OR8B2: variants seen among roughly 807,000 people sequenced by gnomAD.
OR8B2 encodes olfactory receptor family 8 subfamily B member 2.
For missense variants in OR8B2, 304 were observed against 379.6 expected, an observed-to-expected ratio of 0.80 and a Z score of 1.65; for synonymous variants, 98 against 138.2, an observed-to-expected ratio of 0.71 and a Z score of 2.04.
the OR8B2 span, among the ~76,000 whole-genome samples, chr11:124,391,330 G>GT: frequency 4.6e-5 from 7 of 151,640 alleles, no homozygotes; most frequent in South Asian, 2.1e-4. Flanking sequence ...CCAGGAGCTG[G>GT]TTTTTTGAAA....
upstream of OR8B2, among the ~76,000 whole-genome samples, chr11:124,386,628 G>T (rs1207729364): frequency 6.6e-6 from 1 of 151,498 alleles, no homozygotes. Flanking sequence ...TGGTGTACAC[G>T]TGCCACATTT....
upstream of OR8B2, among the ~76,000 whole-genome samples, chr11:124,386,581 A>G (rs905719133): frequency 6.6e-6 from 1 of 151,028 alleles, no homozygotes; most frequent in African/African-American, 2.5e-5. Flanking sequence ...TACAAAGGAC[A>G]TGAACTCATC....
the OR8B2 span, chr11:124,395,563 C>T: frequency 6.6e-6 from 1 of 152,102 alleles, no homozygotes; most frequent in Non-Finnish European, 1.5e-5. Context: ...TTTCTGCTAA[C>T]TTAATGTGCA....
At chr11:124,388,684 G>A (rs1860737520), upstream of OR8B2, among the ~76,000 whole-genome samples, 1 of 151,892 alleles carries the variant, frequency 6.6e-6, no homozygotes, top group Non-Finnish European at 1.5e-5. Context: ...CTTCTTTTTT[G>A]CATTTAGGTT....
chr11:124,393,359 C>G, the OR8B2 span, among the ~76,000 whole-genome samples: 24 of 138,352 alleles, frequency 1.7e-4, no homozygotes, highest in Non-Finnish European at 3.2e-4. Flanking sequence ...TTTCACAACC[C>G]TCATGTGACA....
chr11:124,396,450 C>T, the OR8B2 span: 1 of 1,612,296 alleles, frequency 6.2e-7, no homozygotes, highest in Non-Finnish European at 8.5e-7. Flanking sequence ...CAGAGCTTTC[C>T]TCAGTGCAAC....
chr11:124,388,797 G>T (rs1222601633), upstream of OR8B2, among the ~76,000 whole-genome samples: 1 of 148,170 alleles, frequency 6.7e-6, no homozygotes, highest in East Asian at 2.0e-4. Context: ...ACCTCCTTTA[G>T]TTATTGTTTG....
chr11:124,390,980 T>C, the OR8B2 span, among the ~76,000 whole-genome samples: 5 of 152,146 alleles, frequency 3.3e-5, 1 homozygote, highest in African/African-American at 1.2e-4. Context: ...CCAGCAACAA[T>C]TGCTTCAAAG....
chr11:124,387,741 G>T (rs1860724380), upstream of OR8B2, among the ~76,000 whole-genome samples: 1 of 145,132 alleles, frequency 6.9e-6, no homozygotes. Flanking sequence ...TGGTGATGCG[G>T]GCTCTTTTTT....
chr11:124,393,260 A>G, the OR8B2 span, among the ~76,000 whole-genome samples: 1 of 143,814 alleles, frequency 7.0e-6, no homozygotes, highest in Non-Finnish European at 1.5e-5. Flanking sequence ...CAAAATTGAC[A>G]AATGGGATCT....
the OR8B2 span, among the ~76,000 whole-genome samples, chr11:124,389,903 AG>A: frequency 6.6e-6 from 1 of 152,184 alleles, no homozygotes; most frequent in African/African-American, 2.4e-5. Context: ...AGATATTGGA[AG>A]GGGGAAAGAG....
chr11:124,396,726 A>T, the OR8B2 span: 2 of 1,613,970 alleles, frequency 1.2e-6, no homozygotes, highest in South Asian at 2.2e-5. Flanking sequence ...ACAACTGGGT[A>T]CCATGATATT....
chr11:124,393,300 A>G, the OR8B2 span, among the ~76,000 whole-genome samples: 1 of 147,068 alleles, frequency 6.8e-6, no homozygotes, highest in Non-Finnish European at 1.5e-5. Context: ...TGCACAACAA[A>G]AGAAACTACC....
chr11:124,388,827 C>CTTTTTTT (rs145400784), upstream of OR8B2, among the ~76,000 whole-genome samples: 1 of 129,878 alleles, frequency 7.7e-6, no homozygotes. Context: ...GTGTGAAATT[C>CTTTTTTT]TTTTTTTTTT....
upstream of OR8B2, among the ~76,000 whole-genome samples, chr11:124,385,157 C>A (rs1268675947): frequency 6.6e-6 from 1 of 152,106 alleles, no homozygotes; most frequent in African/African-American, 2.4e-5. Flanking sequence ...GTTGCTCTAA[C>A]TCAACATGTC....
chr11:124,394,728 A>G, the OR8B2 span, among the ~76,000 whole-genome samples: 1 of 152,186 alleles, frequency 6.6e-6, no homozygotes, highest in Admixed American at 6.5e-5. Flanking sequence ...TCAGTCAGCC[A>G]TGCACCCCAC....
At chr11:124,387,509 A>T (rs1860720561), upstream of OR8B2, among the ~76,000 whole-genome samples, 1 of 151,700 alleles carries the variant, frequency 6.6e-6, no homozygotes, top group Non-Finnish European at 1.5e-5. Flanking sequence ...CATTTATTAA[A>T]TAGGGAATCC....
chr11:124,386,225 T>A (rs1163427714), upstream of OR8B2, among the ~76,000 whole-genome samples: 1 of 151,884 alleles, frequency 6.6e-6, no homozygotes, highest in Admixed American at 6.6e-5. Flanking sequence ...TATATTTATT[T>A]ATTTTTTTCC....
At chr11:124,386,469 C>T (rs1860702898), upstream of OR8B2, among the ~76,000 whole-genome samples, 1 of 138,550 alleles carries the variant, frequency 7.2e-6, no homozygotes, top group South Asian at 2.4e-4. Context: ...CATGTGTTCT[C>T]ATTGTTCAAT....
Sources: allele counts gnomAD v4.1 joint callset (sites outside exome capture counted in the v4.1 genomes callset), GRCh38; gene constraint gnomAD v4.1.1; transcripts MANE v1.5; gene names NCBI Gene and HGNC (gene_info 2026-07-23, HGNC 2026-07-21).